Variants in C6 observed in about 807,000 individuals in gnomAD.
C6 encodes the protein complement C6.
A neutral mutation model predicts 112.9 loss-of-function variants in C6; 101 were observed. That is an observed-to-expected ratio of 0.89 (90% CI 0.76 to 1.06). The LOEUF (loss-of-function observed/expected upper bound fraction) is 1.06. C6 is among the 50% of genes least tolerant of loss of function. C6 has a pLI of 0.00. For missense variants in C6, 1,202 were observed against 1,104.6 expected, an observed-to-expected ratio of 1.09 and a Z score of -1.25; for synonymous variants, 431 against 384.1, an observed-to-expected ratio of 1.12 and a Z score of -1.43.
chr5:41,247,857 A>AT (rs1741119129), intron 1 of C6, among the ~76,000 whole-genome samples: 1 of 152,136 alleles, frequency 6.6e-6, no homozygotes, highest in Non-Finnish European at 1.5e-5. Flanking sequence ...ATCCTCATAT[A>AT]TTCAAACCAA....
chr5:41,240,076 T>TA, intron 1 of C6, among the ~76,000 whole-genome samples: 1 of 152,302 alleles, frequency 6.6e-6, no homozygotes, highest in Non-Finnish European at 1.5e-5. Flanking sequence ...TATAATGTGT[T>TA]AGGGAGGATC....
At chr5:41,210,415 T>A (rs1172893736) in intron 1 of C6, among the ~76,000 whole-genome samples, 4 of 152,066 alleles carry the variant, frequency 2.6e-5, no homozygotes, top group Non-Finnish European at 4.4e-5. Flanking sequence ...GAAACTACCA[T>A]CAGAGTGAAC....
intron 1 of C6, among the ~76,000 whole-genome samples, chr5:41,234,342 T>C (rs1186830803): frequency 6.9e-6 from 1 of 145,906 alleles, no homozygotes; most frequent in Non-Finnish European, 1.5e-5. Flanking sequence ...CCTTTCGTTT[T>C]TTTTTTTGTT....
At chr5:41,190,648 T>A (rs1029721472) in intron 5 of C6, among the ~76,000 whole-genome samples, 1 of 152,238 alleles carries the variant, frequency 6.6e-6, no homozygotes, top group Non-Finnish European at 1.5e-5. Flanking sequence ...CTTCTGCTTT[T>A]GAAGTCTTTT....
rs1739419304 is a variant in C6 at position 41,225,312 on chromosome 5, A to G, written c.-20-22062T>C. 1.6e-4 allele frequency among the ~76,000 whole-genome samples: 8 copies of G among 51,566 alleles called. No individual in the cohort carries two copies. The Admixed American group carries it at 2.3e-3, about 15-fold the overall frequency. The allele number at this position is 51,566 out of a possible 152,430, so 33.8% of individuals were successfully genotyped here. ...TTCCCACCTATGAGTGAGAACATGC[A>G]GTGTTTGTTTTTTTTTGTCCTTGCG... On this transcript the variant is annotated intron_variant, in intron 1 of 17. Coordinates refer to the C6 transcript ENST00000263413.
At chr5:41,156,242 C>T (rs767992455) in intron 13 of C6, among the ~76,000 whole-genome samples, 1 of 152,156 alleles carries the variant, frequency 6.6e-6, no homozygotes, top group Non-Finnish European at 1.5e-5. Flanking sequence ...ATCCTCAACA[C>T]CTTCTCTCTT....
chr5:41,212,121 A>G (rs1489604197), intron 1 of C6, among the ~76,000 whole-genome samples: 1 of 152,116 alleles, frequency 6.6e-6, no homozygotes, highest in Non-Finnish European at 1.5e-5. Flanking sequence ...ATATTCTATT[A>G]TTAGGAATAC....
chr5:41,239,962 G>T (rs1271930041), intron 1 of C6, among the ~76,000 whole-genome samples: 1 of 152,082 alleles, frequency 6.6e-6, no homozygotes, highest in Non-Finnish European at 1.5e-5. Context: ...TTTCTGTTGA[G>T]AAATCTGCTG....
intron 17 of C6, among the ~76,000 whole-genome samples, chr5:41,145,721 G>A (rs1223604094): frequency 6.6e-6 from 1 of 152,178 alleles, no homozygotes; most frequent in African/African-American, 2.4e-5. Flanking sequence ...ACCAGCTAGA[G>A]AAGATTCTTG....
chr5:41,219,615 G>T (rs1375980431), intron 1 of C6, among the ~76,000 whole-genome samples: 3 of 152,068 alleles, frequency 2.0e-5, no homozygotes, highest in African/African-American at 7.2e-5. Flanking sequence ...AATACCTAAA[G>T]CATGAAGAAA....
intron 9 of C6, among the ~76,000 whole-genome samples, chr5:41,164,607 G>T (rs1216260837): frequency 6.6e-6 from 1 of 152,204 alleles, no homozygotes; most frequent in Non-Finnish European, 1.5e-5. Context: ...GATTTAAAAT[G>T]ATTCAGGAAT....
intron 1 of C6, among the ~76,000 whole-genome samples, chr5:41,232,162 C>T (rs1360459616): frequency 6.6e-6 from 1 of 152,042 alleles, no homozygotes; most frequent in African/African-American, 2.4e-5. Flanking sequence ...TGTTTCTTAA[C>T]CCTTCAGGAA....
At chr5:41,190,976 C>A (rs1458034650) in intron 5 of C6, among the ~76,000 whole-genome samples, 3 of 150,968 alleles carry the variant, frequency 2.0e-5, no homozygotes, top group Admixed American at 6.6e-5. Context: ...TATTTTTATG[C>A]CAATAGTGTG....
At chr5:41,190,252 C>T (rs944872281) in intron 5 of C6, among the ~76,000 whole-genome samples, 2 of 152,160 alleles carry the variant, frequency 1.3e-5, no homozygotes, top group African/African-American at 4.8e-5. Context: ...TTCCTTTTCT[C>T]CACATCCTTT....
chr5:41,232,787 C>G (rs1388802186), intron 1 of C6, among the ~76,000 whole-genome samples: 1 of 151,918 alleles, frequency 6.6e-6, no homozygotes, highest in Non-Finnish European at 1.5e-5. Context: ...TAATTAGATG[C>G]TATTCATAGC....
chr5:41,185,177 G>A (rs1019183971), intron 6 of C6, among the ~76,000 whole-genome samples: 5 of 152,120 alleles, frequency 3.3e-5, no homozygotes, highest in African/African-American at 1.2e-4. Context: ...AGTCTTCCCA[G>A]AGGTATTCAA....
chr5:41,241,112 C>A (rs2150425608), intron 1 of C6, among the ~76,000 whole-genome samples: 1 of 152,244 alleles, frequency 6.6e-6, no homozygotes, highest in South Asian at 2.1e-4. Flanking sequence ...CTGTGGTGGG[C>A]AAAGTGGGGC....
rs1408254574 is a variant in C6 at position 41,193,839 on chromosome 5, G to T, written c.587+1953C>A. 3.4e-5 allele frequency among the ~76,000 whole-genome samples: 5 copies of T among 147,674 alleles called. No homozygotes were observed. In the East Asian group the frequency reaches 5.9e-4, roughly 18 times the overall value. ...GTGGTTAGAAATATGTTGGATAGCA[G>T]GATTGGAGAGGCAGAGATTCTAAGG... On this transcript the variant is annotated intron_variant, in intron 5 of 17. Coordinates refer to ENST00000337836, the MANE Select transcript of C6 (RefSeq NM_000065.5).
chr5:41,249,215 C>T (rs998533768), intron 1 of C6, among the ~76,000 whole-genome samples: 5 of 152,044 alleles, frequency 3.3e-5, no homozygotes, highest in Admixed American at 1.3e-4. Flanking sequence ...ATGCTCAGTA[C>T]TTGGGTGAGG....
Sources: gnomAD v4.1 joint callset for allele counts (sites outside exome capture counted in the v4.1 genomes callset) on GRCh38, gnomAD v4.1.1 for gene constraint, MANE v1.5 for transcripts, NCBI Gene and HGNC (gene_info 2026-07-23, HGNC 2026-07-21) for gene names.